The following PLEKHM1 variants were observed in gnomAD, a reference collection of about 807,000 sequenced individuals.
The protein encoded by PLEKHM1 is pleckstrin homology domain-containing family M member 1.
In PLEKHM1, 28 loss-of-function variants were observed where a neutral mutation model predicts 94.3. The ratio of observed to expected loss-of-function variants is 0.30; its 90% confidence interval spans 0.22 to 0.41. The LOEUF is 0.41. Among genes scored for constraint, PLEKHM1 ranks in the 10% least tolerant of loss-of-function variants. The pLI, the probability that PLEKHM1 is intolerant of heterozygous loss-of-function variation, is 1.00. For missense variants in PLEKHM1, 907 were observed against 1,358.6 expected, an observed-to-expected ratio of 0.67 and a Z score of 5.22; for synonymous variants, 424 against 581.2, an observed-to-expected ratio of 0.73 and a Z score of 3.89.
Position 45,436,815 on chromosome 17 carries a change from G to T in PLEKHM1, c.*1043C>A, listed in dbSNP as rs1345453653. ...CATCCACAGGGCAGTTCCCCCGCAC[G>T]CCCTGCACAGCTTAGGACCAGGTCA... is the stretch of plus-strand genomic sequence containing the variant. On this transcript the variant is annotated 3_prime_UTR_variant, in exon 12 of 12. Coordinates refer to ENST00000430334, the MANE Select transcript of PLEKHM1 (RefSeq NM_014798.3). 2.2e-6 allele frequency: 1 copy of T among 454,004 alleles called. No homozygotes were observed. The highest frequency in any genetic ancestry group is 2.0e-5 in the African/African-American group (1 of 50,004). 28.1% of individuals were successfully genotyped at this position (454,004 alleles called of 1,614,324 possible). A position where few individuals can be genotyped will look rare whatever the true frequency, so the allele number is the denominator to read the frequency against.
intron 3 of PLEKHM1, chr17:45,476,099 G>A (rs928354072): frequency 5.1e-5 from 16 of 311,526 alleles, no homozygotes; most frequent in Non-Finnish European, 7.5e-5. Context: ...CACAGTGAGC[G>A]GAGATTGGAC....
chr17:45,482,061 T>C (rs551854425), intron 2 of PLEKHM1, among the ~76,000 whole-genome samples: 4 of 151,850 alleles, frequency 2.6e-5, no homozygotes, highest in East Asian at 1.9e-4. Flanking sequence ...AGTGTTCAGA[T>C]ACATGTAAGT....
chr17:45,479,762 G>C (rs1437924571), intron 2 of PLEKHM1, among the ~76,000 whole-genome samples: 2 of 152,182 alleles, frequency 1.3e-5, no homozygotes, highest in Non-Finnish European at 2.9e-5. Flanking sequence ...ACTAAGACTA[G>C]TGTTTTATTC....
At position 45,490,646 on chromosome 17, in the gene PLEKHM1, A is replaced by T. The variant is rs1226412277; in HGVS notation, c.-42+6T>A. 1 of 449,458 alleles carries T rather than the reference A, an allele frequency of 2.2e-6. No individual in the cohort carries two copies. Among genetic ancestry groups the T allele is most frequent in the Non-Finnish European group, 4.5e-6 (1 of 223,758 alleles). 27.8% of individuals were successfully genotyped at this position (449,458 alleles called of 1,614,324 possible). ...GCCCTCCTCGCATCTTGACCCCCTA[A>T]CTCACCAAGCGGAGCGAGGAGCGAG... On this transcript the variant is annotated splice_donor_region_variant and intron_variant, in intron 1 of 11. Transcript: ENST00000430334.
At chr17:45,465,788 G>A (rs1462980720) in intron 5 of PLEKHM1, among the ~76,000 whole-genome samples, 2 of 152,040 alleles carry the variant, frequency 1.3e-5, no homozygotes, top group African/African-American at 2.4e-5. Context: ...GAGGCCGGTG[G>A]GTCAGAGCTT....
At chr17:45,458,050 T>C in intron 6 of PLEKHM1, 119 bp downstream of exon 6, 2 of 748,580 alleles carry the variant, frequency 2.7e-6, no homozygotes. Flanking sequence ...AATGAGGTTT[T>C]ATAACACTTG....
At chr17:45,451,478 C>T (rs1296170213) in intron 7 of PLEKHM1, among the ~76,000 whole-genome samples, 1 of 152,182 alleles carries the variant, frequency 6.6e-6, no homozygotes, top group Non-Finnish European at 1.5e-5. Context: ...GAAGGGTCCC[C>T]GGGCCTTGGG....
intron 9 of PLEKHM1, among the ~76,000 whole-genome samples, chr17:45,441,313 C>T (rs373771726): frequency 1.4e-4 from 21 of 152,260 alleles, no homozygotes; most frequent in African/African-American, 4.6e-4. Context: ...GGCCTTGTCC[C>T]AGCTGGTGGC....
intron 7 of PLEKHM1, among the ~76,000 whole-genome samples, 197 bp from the exon 8 acceptor site, chr17:45,450,960 T>C (rs1230892851): frequency 7.0e-6 from 1 of 142,012 alleles, no homozygotes; most frequent in Non-Finnish European, 1.5e-5. Context: ...GTAAGAACTA[T>C]CATTATTTTA....
At chr17:45,460,387 G>C (rs1027327029) in intron 5 of PLEKHM1, 6 of 152,090 alleles carry the variant, frequency 3.9e-5, no homozygotes, top group African/African-American at 1.4e-4. Context: ...GGCCTCCCGA[G>C]TAGCTGGGGT....
intron 5 of PLEKHM1, among the ~76,000 whole-genome samples, chr17:45,460,841 G>A (rs990381737): frequency 2.6e-5 from 4 of 152,184 alleles, no homozygotes; most frequent in African/African-American, 9.7e-5. Flanking sequence ...TCACAGGCAT[G>A]AGCCACCTGC....
chr17:45,450,121 C>A (rs1447150398), intron 8 of PLEKHM1, among the ~76,000 whole-genome samples: 1 of 151,672 alleles, frequency 6.6e-6, no homozygotes, highest in African/African-American at 2.4e-5. Flanking sequence ...ATCCACCTAG[C>A]CGCCTGCTCA....
chr17:45,434,898 A>C (rs1291583356), downstream of PLEKHM1, among the ~76,000 whole-genome samples: 1 of 142,086 alleles, frequency 7.0e-6, no homozygotes, highest in Non-Finnish European at 1.5e-5. Flanking sequence ...GAACCCGGGA[A>C]GTGGAGGTTG....
chr17:45,439,665 A>C, intron 10 of PLEKHM1, 31 bp from the exon 11 acceptor site: 4 of 1,611,582 alleles, frequency 2.5e-6, no homozygotes, highest in Non-Finnish European at 3.4e-6. Context: ...TCCTTCATAC[A>C]CCCCGTCTGC....
At chr17:45,473,715 C>G (rs367649597) in intron 4 of PLEKHM1, among the ~76,000 whole-genome samples, 1 of 151,610 alleles carries the variant, frequency 6.6e-6, no homozygotes, top group African/African-American at 2.4e-5. Flanking sequence ...CCCGCCACCA[C>G]GCCCGGCTAA....
intron 11 of PLEKHM1, 61 bp from the exon 12 acceptor site, chr17:45,438,030 G>A (rs1182639718): frequency 1.2e-5 from 16 of 1,287,598 alleles, no homozygotes; most frequent in Admixed American, 1.0e-4. Flanking sequence ...CTGTGGCCAC[G>A]CTGGCCAGCC....
chr17:45,465,166 C>T (rs2051282072), intron 5 of PLEKHM1, among the ~76,000 whole-genome samples: 1 of 151,792 alleles, frequency 6.6e-6, no homozygotes, highest in Non-Finnish European at 1.5e-5. Flanking sequence ...GCTGACAATA[C>T]AGAAGTGAAC....
chr17:45,445,536 T>A lies in PLEKHM1; in HGVS notation c.2771A>T (p.Gln924Leu). Residue 924 changes from glutamine (Q) to leucine (L), a missense_variant, in exon 9 of 12, where the codon CAG becomes CTG. Gln to Leu is a moderately radical substitution (Grantham distance 113). Coordinates refer to ENST00000430334, the MANE Select transcript of PLEKHM1 (RefSeq NM_014798.3). The surrounding 1 kb of genome is among the most constrained non-coding windows in gnomAD (Gnocchi z 4.2). ...CAGGTAATCCCCCAGGAGCTTCAGC[T>A]GCTCCCGTCTCCTCCCAATGAGGTG... is the stretch of plus-strand genomic sequence containing the variant. ...RMHLIGRRRE[Q>L]LKLLGDYLGL... is the part of the protein sequence containing the mutation. 6.2e-7 allele frequency: 1 copy of A among 1,613,884 alleles called. No individual in the cohort carries two copies. The highest frequency in any genetic ancestry group is 8.5e-7 in the Non-Finnish European group (1 of 1,179,864).
intron 1 of PLEKHM1, among the ~76,000 whole-genome samples, chr17:45,490,041 A>T (rs1042329779): frequency 7.9e-5 from 12 of 152,310 alleles, no homozygotes; most frequent in East Asian, 3.9e-4. Flanking sequence ...GAGAAGACAC[A>T]GTTAAGACTT....
Sources: allele counts gnomAD v4.1 joint callset (sites outside exome capture counted in the v4.1 genomes callset), GRCh38; gene constraint gnomAD v4.1.1; non-coding constraint Gnocchi (gnomAD v3.1); transcripts MANE v1.5; gene names NCBI Gene and HGNC (gene_info 2026-07-23, HGNC 2026-07-21).